Variants in MARCHF1 observed in about 807,000 individuals in gnomAD.
MARCHF1 encodes membrane associated ring-CH-type finger 1, also known as E3 ubiquitin-protein ligase MARCHF1.
In MARCHF1, 40 loss-of-function variants were observed where a neutral mutation model predicts 54.2. The ratio of observed to expected loss-of-function variants is 0.74; its 90% CI spans 0.57 to 0.96. The LOEUF is 0.96. Among genes scored for constraint, MARCHF1 ranks in the 40% least tolerant of loss-of-function variants. MARCHF1 has a pLI of 0.00. For synonymous variants in MARCHF1, 236 were observed against 236.3 expected (o/e 1.00, Z 0.01); for missense variants, 586 against 656.5 (o/e 0.89, Z 1.17).
At chr4:164,201,378 C>T (rs536931144) in intron 1 of MARCHF1, among the ~76,000 whole-genome samples, 20 of 152,232 alleles carry the variant, frequency 1.3e-4, no homozygotes, top group African/African-American at 4.6e-4. Context: ...TGCCACCACA[C>T]CCAGATAATT....
intron 4 of MARCHF1, among the ~76,000 whole-genome samples, chr4:163,811,848 T>C (rs1049000056): frequency 6.6e-6 from 1 of 152,156 alleles, no homozygotes; most frequent in Non-Finnish European, 1.5e-5. Flanking sequence ...ATGTGTCCAC[T>C]TGACTGGGCC....
intron 1 of MARCHF1, among the ~76,000 whole-genome samples, chr4:164,246,860 C>T (rs556942766): frequency 3.5e-4 from 46 of 129,974 alleles, no homozygotes; most frequent in Admixed American, 1.1e-3. Flanking sequence ...TGAAAAAATG[C>T]TCATCATCCT....
chr4:164,165,629 C>T (rs545205685), intron 1 of MARCHF1, among the ~76,000 whole-genome samples: 3 of 151,976 alleles, frequency 2.0e-5, no homozygotes, highest in South Asian at 2.1e-4. Context: ...GTAGTTGGTG[C>T]CTGGTGAAGG....
intron 1 of MARCHF1, among the ~76,000 whole-genome samples, chr4:164,152,816 C>T (rs7658115): frequency 6.6e-6 from 1 of 152,128 alleles, no homozygotes; most frequent in African/African-American, 2.4e-5. Flanking sequence ...AATCCTAGGC[C>T]TTTAGACAAA....
At chr4:164,062,590 T>C (rs1277153022) in intron 2 of MARCHF1, among the ~76,000 whole-genome samples, 1 of 152,170 alleles carries the variant, frequency 6.6e-6, no homozygotes, top group Non-Finnish European at 1.5e-5. Context: ...AGTGGCGCGA[T>C]CTCGGCTCAC....
chr4:164,220,549 TATATATG>T (rs1732068237), intron 1 of MARCHF1, among the ~76,000 whole-genome samples: 1 of 145,774 alleles, frequency 6.9e-6, no homozygotes, highest in Non-Finnish European at 1.5e-5. Flanking sequence ...ATATATGTAC[TATATATG>T]ATATATATCT....
chr4:164,358,568 C>T (rs1249445651), intron 1 of MARCHF1, among the ~76,000 whole-genome samples: 5 of 152,192 alleles, frequency 3.3e-5, no homozygotes, highest in South Asian at 2.1e-4. Flanking sequence ...TGGTGACATA[C>T]ACAGAATGAA....
intron 5 of MARCHF1, among the ~76,000 whole-genome samples, chr4:163,652,782 T>C (rs892489896): frequency 6.6e-6 from 1 of 151,852 alleles, no homozygotes; most frequent in Non-Finnish European, 1.5e-5. Context: ...TATGCACATT[T>C]CCAAGTAATA....
intron 3 of MARCHF1, among the ~76,000 whole-genome samples, chr4:163,929,731 A>G (rs1298070977): frequency 6.7e-6 from 1 of 149,506 alleles, no homozygotes; most frequent in Non-Finnish European, 1.5e-5. Context: ...ATAACCATCT[A>G]CTCCTCAGGT....
chr4:164,217,010 G>A (rs1033443742), intron 1 of MARCHF1, among the ~76,000 whole-genome samples: 2 of 151,684 alleles, frequency 1.3e-5, no homozygotes, highest in Admixed American at 1.3e-4. Flanking sequence ...TATAGCTGGA[G>A]TACAAATGTA....
intron 2 of MARCHF1, among the ~76,000 whole-genome samples, chr4:164,060,055 T>C (rs1043936370): frequency 6.6e-6 from 1 of 152,130 alleles, no homozygotes; most frequent in Admixed American, 6.5e-5. Flanking sequence ...TTAGATAATT[T>C]AGTATACAAA....
intron 4 of MARCHF1, among the ~76,000 whole-genome samples, chr4:163,795,182 A>G (rs1228111868): frequency 6.6e-6 from 1 of 152,156 alleles, no homozygotes; most frequent in Non-Finnish European, 1.5e-5. Flanking sequence ...TGCTGCATAG[A>G]TGCTGCACAT....
Position 164,006,402 on chromosome 4 carries a change from T to C in MARCHF1, c.-247-17693A>G, listed in dbSNP as rs372485497. On this transcript the variant is annotated intron_variant, in intron 2 of 9. Coordinates refer to ENST00000514618, the MANE Select transcript of MARCHF1 (RefSeq NM_001394959.1). Reference sequence around the variant, plus strand: ...TACCAGTAAGCTTGAAGACTAGCTATGTGAAAATACACAGTCAGAGGAGAA... The same window carrying C: ...TACCAGTAAGCTTGAAGACTAGCTACGTGAAAATACACAGTCAGAGGAGAA... Among the ~76,000 whole-genome samples the C allele has an allele frequency of 9.2e-5, 14 of 151,966 alleles. 1 individual carries two copies. Among genetic ancestry groups the C allele is most frequent in the African/African-American group, 2.9e-4 (12 of 41,416 alleles).
intron 3 of MARCHF1, among the ~76,000 whole-genome samples, chr4:163,856,374 G>A (rs1579343518): frequency 6.6e-6 from 1 of 152,186 alleles, no homozygotes; most frequent in East Asian, 1.9e-4. Context: ...CATTGTACAG[G>A]CTATTTTAAG....
chr4:163,620,600 CACACACAGAGAGAGAGAGAGAGAGAG>C (rs1172834909), intron 5 of MARCHF1, among the ~76,000 whole-genome samples: 19 of 76,850 alleles, frequency 2.5e-4, no homozygotes, highest in African/African-American at 1.5e-3. Flanking sequence ...CACACACACA[CACACACAGAGAGAGAGAGAGAGAGAG>C]AGAGAGAGAG....
chr4:163,703,021 A>G (rs1344388179), intron 4 of MARCHF1, among the ~76,000 whole-genome samples: 2 of 152,160 alleles, frequency 1.3e-5, no homozygotes, highest in Non-Finnish European at 1.5e-5. Context: ...GCAGGAGTAC[A>G]TTGTTTGACA....
intron 5 of MARCHF1, among the ~76,000 whole-genome samples, chr4:163,638,065 A>G (rs1436482083): frequency 2.9e-4 from 37 of 129,446 alleles, no homozygotes; most frequent in African/African-American, 4.2e-4. Context: ...ACACAGGAAG[A>G]GGAACATCAC....
intron 1 of MARCHF1, among the ~76,000 whole-genome samples, chr4:164,151,063 A>T (rs1042273876): frequency 6.6e-6 from 1 of 152,220 alleles, no homozygotes; most frequent in Non-Finnish European, 1.5e-5. Context: ...AAAGGAAAGG[A>T]GATAGATTCT....
chr4:164,372,027 A>G (rs1731050343), intron 1 of MARCHF1, among the ~76,000 whole-genome samples: 1 of 152,216 alleles, frequency 6.6e-6, no homozygotes, highest in Non-Finnish European at 1.5e-5. Flanking sequence ...GCTGCCAGTG[A>G]TGGCGCCACG....
Sources: gnomAD v4.1 joint callset for allele counts (sites outside exome capture counted in the v4.1 genomes callset) on GRCh38, gnomAD v4.1.1 for gene constraint, MANE v1.5 for transcripts, NCBI Gene and HGNC (gene_info 2026-07-23, HGNC 2026-07-21) for gene names.